The following TENM2 variants were observed in gnomAD, a reference collection of about 807,000 sequenced individuals.
The protein encoded by TENM2 is teneurin-2.
Under a neutral mutation model 245.2 loss-of-function variants are expected in TENM2, and 52 were observed. That is an observed-to-expected ratio of 0.21 (90% CI 0.17 to 0.27). TENM2 has a LOEUF of 0.27. Ranked by LOEUF, TENM2 falls within the 10% of genes least tolerant of loss-of-function variation. The probability of loss-of-function intolerance (pLI) is 1.00; values close to 1 mark genes in which losing one functional copy is unlikely to be tolerated. For synonymous variants in TENM2, 1,363 were observed against 1,438.9 expected, an observed-to-expected ratio of 0.95 and a Z score of 1.19; for missense variants, 3,046 against 3,666.8, an observed-to-expected ratio of 0.83 and a Z score of 4.37.
At chr5:167,543,896 A>G (rs1367512401) in intron 2 of TENM2, among the ~76,000 whole-genome samples, 1 of 152,170 alleles carries the variant, frequency 6.6e-6, no homozygotes, top group Non-Finnish European at 1.5e-5. Flanking sequence ...TCCTATAAGG[A>G]CATAAGTCAT....
At chr5:167,011,376 T>A in the TENM2 span, among the ~76,000 whole-genome samples, 1 of 152,318 alleles carries the variant, frequency 6.6e-6, no homozygotes, top group African/African-American at 2.4e-5. Context: ...TGGGTCATAA[T>A]CCCTACAATT....
intron 1 of TENM2, among the ~76,000 whole-genome samples, chr5:167,348,526 T>C (rs1162827119): frequency 6.6e-6 from 1 of 152,176 alleles, no homozygotes; most frequent in African/African-American, 2.4e-5. Flanking sequence ...CAGCTGTTTC[T>C]TCCTAGACTG....
intron 2 of TENM2, among the ~76,000 whole-genome samples, chr5:167,494,006 A>G (rs988328175): frequency 6.6e-5 from 10 of 152,130 alleles, no homozygotes; most frequent in African/African-American, 2.4e-4. Flanking sequence ...GACAATTTCC[A>G]GATGGAATCA....
rs73801478 is a variant in TENM2 at position 167,984,944 on chromosome 5, G to A, written c.948-8000G>A. Among the ~76,000 whole-genome samples the A allele has an allele frequency of 5.7e-3, 865 of 152,004 alleles. 3 individuals carry two copies. The highest frequency in any genetic ancestry group is 0.015 in the African/African-American group (606 of 41,462). Reference sequence around the variant, plus strand: ...AACCAGCACCATTCCTTTTCATATCGGAGAGTATATTAATGGTGCCAGAAA... The same window carrying A: ...AACCAGCACCATTCCTTTTCATATCAGAGAGTATATTAATGGTGCCAGAAA... On this transcript the variant is annotated intron_variant, in intron 4 of 28. Coordinates refer to ENST00000518659, the Ensembl canonical transcript of TENM2.
the TENM2 span, among the ~76,000 whole-genome samples, chr5:166,984,651 G>A: frequency 6.6e-6 from 1 of 151,956 alleles, no homozygotes; most frequent in African/African-American, 2.4e-5. Flanking sequence ...AGTCAAGTTA[G>A]GTTCCTAGAT....
At chr5:168,061,986 G>A (rs1024101099) in intron 6 of TENM2, 74 bp from the exon 9 acceptor site, 6 of 1,325,912 alleles carry the variant, frequency 4.5e-6, no homozygotes, top group Non-Finnish European at 6.1e-6. Context: ...AACCTGGCAT[G>A]TAATTAAACA....
At chr5:167,571,407 T>C (rs1350941048) in intron 2 of TENM2, among the ~76,000 whole-genome samples, 2 of 152,208 alleles carry the variant, frequency 1.3e-5, no homozygotes, top group African/African-American at 4.8e-5. Flanking sequence ...TATAAGCATA[T>C]GAATGTAAAG....
intron 14 of TENM2, among the ~76,000 whole-genome samples, chr5:168,191,054 A>C (rs1427751755): frequency 6.6e-6 from 1 of 151,818 alleles, no homozygotes; most frequent in African/African-American, 2.4e-5. Context: ...TGTGTAGATT[A>C]TCTCTAATCC....
At chr5:167,983,914 G>A (rs148160470) in intron 4 of TENM2, among the ~76,000 whole-genome samples, 3 of 152,256 alleles carry the variant, frequency 2.0e-5, no homozygotes, top group African/African-American at 2.4e-5. Flanking sequence ...CACTATGCTC[G>A]GTCAAGGAGA....
chr5:166,989,450 G>A, the TENM2 span, among the ~76,000 whole-genome samples: 2 of 151,684 alleles, frequency 1.3e-5, no homozygotes, highest in Non-Finnish European at 2.9e-5. Flanking sequence ...AGTAGAGATG[G>A]GGTTTCACCA....
intron 2 of TENM2, among the ~76,000 whole-genome samples, chr5:167,639,942 G>A (rs1779446098): frequency 6.6e-6 from 1 of 152,158 alleles, no homozygotes; most frequent in African/African-American, 2.4e-5. Context: ...GTTTATAGAT[G>A]AGTAAACTGA....
rs1229485613 is a variant in TENM2 at position 168,036,691 on chromosome 5, ATATATATATGTATGTG to A, written c.1187-10710_1187-10695del. Among the ~76,000 whole-genome samples, 105 of 116,302 alleles carry A rather than the reference ATATATATATGTATGTG, an allele frequency of 9.0e-4. 3 individuals are homozygous for A. The East Asian group carries it at 0.023, about 26-fold the overall frequency. The allele number at this position is 116,302 out of a possible 152,430, so 76.3% of individuals were successfully genotyped here. A position where few individuals can be genotyped will look rare whatever the true frequency, so the allele number is the denominator to read the frequency against. On this transcript the variant is annotated intron_variant, in intron 5 of 28. Transcript: ENST00000518659. ...TATATGTATGTGTATATATATATAT[ATATATATATGTATGTG>A]TATATATATGTATGTGTATATATAT...
Position 168,227,879 on chromosome 5 carries a change from A to G in TENM2, c.5285-16A>G. On this transcript the variant is annotated splice_polypyrimidine_tract_variant and intron_variant, in intron 24 of 28. Coordinates refer to ENST00000518659, the Ensembl canonical transcript of TENM2. ...AATTTATTTCCCTATCCCCACCCCC[A>G]CTTACATTTTTCCAGATCAAGTTCG... 3.3e-6 allele frequency: 5 copies of G among 1,536,562 alleles called. No homozygotes were observed. The highest frequency in any genetic ancestry group is 4.5e-6 in the Non-Finnish European group (5 of 1,118,480).
At chr5:168,149,271 C>T (rs1756424805) in intron 12 of TENM2, among the ~76,000 whole-genome samples, 1 of 152,112 alleles carries the variant, frequency 6.6e-6, no homozygotes, top group Non-Finnish European at 1.5e-5. Flanking sequence ...GCACGATGCT[C>T]CCCTGTCACC....
At chr5:168,121,903 C>CAT (rs1219285292) in intron 10 of TENM2, among the ~76,000 whole-genome samples, 1 of 152,096 alleles carries the variant, frequency 6.6e-6, no homozygotes, top group East Asian at 1.9e-4. Flanking sequence ...TTTATTGGAA[C>CAT]AATATAAACA....
intron 2 of TENM2, among the ~76,000 whole-genome samples, chr5:167,496,795 A>G (rs1381138946): frequency 2.0e-5 from 3 of 152,138 alleles, no homozygotes; most frequent in Admixed American, 1.3e-4. Context: ...GATGCTAGCC[A>G]TCTGTAGATT....
intron 1 of TENM2, among the ~76,000 whole-genome samples, chr5:167,332,208 T>A (rs543683759): frequency 4.6e-5 from 7 of 152,224 alleles, no homozygotes; most frequent in Non-Finnish European, 7.3e-5. Flanking sequence ...GGCATTCACT[T>A]TCGTGGCCTC....
intron 2 of TENM2, among the ~76,000 whole-genome samples, chr5:167,681,743 T>C (rs2150377530): frequency 6.6e-6 from 1 of 152,304 alleles, no homozygotes; most frequent in African/African-American, 2.4e-5. Context: ...ACCAATTTGT[T>C]ATCCCACCAT....
intron 2 of TENM2, among the ~76,000 whole-genome samples, chr5:167,549,867 T>C (rs1367779172): frequency 6.6e-6 from 1 of 152,200 alleles, no homozygotes; most frequent in Non-Finnish European, 1.5e-5. Context: ...GATTCCTCCT[T>C]TAAAACTATT....
Sources: gnomAD v4.1 joint callset for allele counts (sites outside exome capture counted in the v4.1 genomes callset) on GRCh38, gnomAD v4.1.1 for gene constraint, MANE v1.5 for transcripts, NCBI Gene and HGNC (gene_info 2026-07-23, HGNC 2026-07-21) for gene names.